The following LOC400499 variants were observed in gnomAD, a reference collection of about 807,000 sequenced individuals.
the LOC400499 span, chr16:11,385,420 G>A: frequency 2.4e-6 from 3 of 1,232,246 alleles, no homozygotes; most frequent in Non-Finnish European, 3.0e-6. Context: ...GCATGGTCTG[G>A]GTAGAAGCAG....
At chr16:11,377,818 T>C in the LOC400499 span, among the ~76,000 whole-genome samples, 2 of 152,326 alleles carry the variant, frequency 1.3e-5, no homozygotes, top group Admixed American at 6.5e-5. Flanking sequence ...CAGAGTGAGT[T>C]TGGAGGTATT....
chr16:11,440,068 A>C, the LOC400499 span, among the ~76,000 whole-genome samples: 1 of 152,104 alleles, frequency 6.6e-6, no homozygotes, highest in Non-Finnish European at 1.5e-5. Context: ...TTGAACTTAT[A>C]TAACACTAAA....
the LOC400499 span, chr16:11,476,817 G>A: frequency 2.5e-6 from 1 of 399,274 alleles, no homozygotes; most frequent in Non-Finnish European, 4.4e-6. Context: ...GCACCTTAAG[G>A]ACCCGGCCCT....
the LOC400499 span, among the ~76,000 whole-genome samples, chr16:11,375,383 A>C: frequency 7.5e-6 from 1 of 132,664 alleles, no homozygotes; most frequent in Admixed American, 7.6e-5. Flanking sequence ...GCGGGACCTC[A>C]GCTCACTGCA....
At chr16:11,469,895 G>C in the LOC400499 span, among the ~76,000 whole-genome samples, 40 of 152,248 alleles carry the variant, frequency 2.6e-4, no homozygotes, top group African/African-American at 9.1e-4. Flanking sequence ...ACCCTGCACA[G>C]ACCCCTCCCA....
the LOC400499 span, among the ~76,000 whole-genome samples, chr16:11,456,534 G>C: frequency 2.6e-5 from 4 of 152,188 alleles, no homozygotes; most frequent in African/African-American, 7.2e-5. Flanking sequence ...GACTGGCAAA[G>C]GTAAGAAGTT....
chr16:11,483,159 C>T, the LOC400499 span, among the ~76,000 whole-genome samples: 67 of 152,242 alleles, frequency 4.4e-4, no homozygotes, highest in African/African-American at 1.5e-3. Flanking sequence ...CTAACCATAT[C>T]GAGTGTTGGT....
the LOC400499 span, among the ~76,000 whole-genome samples, chr16:11,400,382 C>A: frequency 6.6e-6 from 1 of 152,250 alleles, no homozygotes; most frequent in East Asian, 1.9e-4. Context: ...TCTCACTGAC[C>A]ACCCACCTTA....
the LOC400499 span, chr16:11,475,496 CT>C: frequency 2.5e-6 from 1 of 395,396 alleles, no homozygotes; most frequent in Non-Finnish European, 4.5e-6. Flanking sequence ...GTCTCAGATA[CT>C]TTTTGGTTTG....
the LOC400499 span, among the ~76,000 whole-genome samples, chr16:11,388,226 G>A: frequency 6.6e-6 from 1 of 152,074 alleles, no homozygotes; most frequent in Non-Finnish European, 1.5e-5. Context: ...GCAGTGACAG[G>A]ATCCCACTCA....
chr16:11,456,915 A>G, the LOC400499 span: 1 of 1,536,128 alleles, frequency 6.5e-7, no homozygotes, highest in African/African-American at 1.4e-5. Context: ...GCCTGCCACA[A>G]ACAGCGGCCG....
At chr16:11,514,255 C>T in the LOC400499 span, 1 of 398,252 alleles carries the variant, frequency 2.5e-6, no homozygotes, top group Admixed American at 4.4e-5. Flanking sequence ...TCAGAGGTGT[C>T]CAGGCCGGGA....
chr16:11,514,445 A>C, the LOC400499 span: 3 of 399,024 alleles, frequency 7.5e-6, no homozygotes, highest in Non-Finnish European at 1.3e-5. Context: ...CTTTGCAGGA[A>C]GTGGCCCCGC....
the LOC400499 span, among the ~76,000 whole-genome samples, chr16:11,454,903 A>G: frequency 1.3e-5 from 2 of 152,234 alleles, no homozygotes; most frequent in African/African-American, 4.8e-5. Flanking sequence ...TGGAAAAGGG[A>G]GGCTGCAGAA....
the LOC400499 span, among the ~76,000 whole-genome samples, chr16:11,402,668 G>C: frequency 6.6e-6 from 1 of 151,670 alleles, no homozygotes; most frequent in Non-Finnish European, 1.5e-5. Context: ...CCCTGAGCAG[G>C]CTGGAGAGCC....
At chr16:11,390,225 GAGCT>G in the LOC400499 span, 4 of 1,232,520 alleles carry the variant, frequency 3.2e-6, no homozygotes, top group Non-Finnish European at 4.0e-6. Flanking sequence ...GGGACAGTGA[GAGCT>G]GGCTCAGTCA....
At chr16:11,392,819 C>T in the LOC400499 span, 16 of 981,702 alleles carry the variant, frequency 1.6e-5, no homozygotes, top group Non-Finnish European at 1.8e-5. Context: ...CACAGGAACA[C>T]ATCACCCCCT....
chr16:11,407,970 G>GTTTTTTTTT, the LOC400499 span, among the ~76,000 whole-genome samples: 23 of 63,456 alleles, frequency 3.6e-4, 1 homozygote, highest in African/African-American at 1.2e-3. Context: ...TTCCAGAGCT[G>GTTTTTTTTT]TTTTTTTTTT....
the LOC400499 span, among the ~76,000 whole-genome samples, chr16:11,398,873 C>T: frequency 7.1e-3 from 1,078 of 152,124 alleles, 13 homozygotes; most frequent in African/African-American, 0.024. Flanking sequence ...GTTGGCCAGG[C>T]GATCAGGTGA....
Sources: allele counts gnomAD v4.1 joint callset (sites outside exome capture counted in the v4.1 genomes callset), GRCh38; gene constraint gnomAD v4.1.1; transcripts MANE v1.5.